The following KLHL1 variants were observed in gnomAD, a reference collection of about 807,000 sequenced individuals.
The protein encoded by KLHL1 is kelch like family member 1.
KLHL1 carries 47 observed loss-of-function variants against 77.7 expected under a neutral mutation model. The ratio of observed to expected loss-of-function variants is 0.60; its 90% CI spans 0.48 to 0.77. The LOEUF is 0.77. Among genes scored for constraint, KLHL1 ranks in the 30% least tolerant of loss-of-function variants. The probability of loss-of-function intolerance (pLI) is 0.00; values close to 1 mark genes in which losing one functional copy is unlikely to be tolerated. For synonymous variants in KLHL1, 360 were observed against 325.2 expected (o/e 1.11, Z -1.15); for missense variants, 925 against 910.8 (o/e 1.02, Z -0.20).
At chr13:69,994,506 G>C (rs2137317321) in intron 1 of KLHL1, among the ~76,000 whole-genome samples, 1 of 152,134 alleles carries the variant, frequency 6.6e-6, no homozygotes, top group African/African-American at 2.4e-5. Context: ...TTCTCTATAG[G>C]CTTACTCCTT....
chr13:70,022,246 C>A (rs2218245), intron 1 of KLHL1, among the ~76,000 whole-genome samples: 34,632 of 150,908 alleles, frequency 0.23, 4,366 homozygotes, highest in African/African-American at 0.35. Context: ...TCCCTCTTTG[C>A]TCTTTTTTCA....
intron 1 of KLHL1, among the ~76,000 whole-genome samples, chr13:70,039,625 G>T (rs1886324432): frequency 6.8e-6 from 1 of 146,674 alleles, no homozygotes; most frequent in African/African-American, 2.5e-5. Flanking sequence ...GCCTGCCTTT[G>T]GATTCCTTGA....
chr13:69,804,186 C>T (rs1192994112), intron 6 of KLHL1, among the ~76,000 whole-genome samples: 4 of 152,014 alleles, frequency 2.6e-5, no homozygotes, highest in Admixed American at 6.6e-5. Context: ...CATGACAAAA[C>T]GAACGGTAGA....
chr13:69,758,852 TTTTA>T (rs1874889037), intron 7 of KLHL1, among the ~76,000 whole-genome samples: 1 of 152,156 alleles, frequency 6.6e-6, no homozygotes, highest in African/African-American at 2.4e-5. Context: ...GTTTCCGTAT[TTTTA>T]TTTACCTAGA....
chr13:69,788,139 G>T (rs1430021515), intron 7 of KLHL1, among the ~76,000 whole-genome samples: 7 of 152,214 alleles, frequency 4.6e-5, no homozygotes, highest in African/African-American at 1.7e-4. Flanking sequence ...AATACCATTT[G>T]ACCCAGCCAT....
chr13:70,072,925 C>A (rs1887171620), intron 1 of KLHL1, among the ~76,000 whole-genome samples: 1 of 152,040 alleles, frequency 6.6e-6, no homozygotes, highest in African/African-American at 2.4e-5. Flanking sequence ...CATTCCTATG[C>A]AACATCAAAC....
chr13:69,916,343 A>G (rs1370756914), intron 4 of KLHL1, among the ~76,000 whole-genome samples: 3 of 152,084 alleles, frequency 2.0e-5, no homozygotes, highest in Non-Finnish European at 4.4e-5. Context: ...ACCAACCCAA[A>G]TGTCCAACAA....
chr13:69,725,962 C>T (rs1396116482), intron 8 of KLHL1, among the ~76,000 whole-genome samples: 1 of 152,080 alleles, frequency 6.6e-6, no homozygotes, highest in Non-Finnish European at 1.5e-5. Flanking sequence ...AGGGTTATGT[C>T]TACTCATCTC....
chr13:69,867,702 A>G (rs1001140351), intron 5 of KLHL1, among the ~76,000 whole-genome samples: 2 of 151,930 alleles, frequency 1.3e-5, no homozygotes, highest in Admixed American at 1.3e-4. Context: ...AGTATATTAA[A>G]ATATTTTAAA....
intron 7 of KLHL1, among the ~76,000 whole-genome samples, chr13:69,796,514 G>T (rs905259735): frequency 6.6e-6 from 1 of 152,004 alleles, no homozygotes; most frequent in African/African-American, 2.4e-5. Flanking sequence ...GCCTCCCTTT[G>T]CCTTCTGTCA....
In KLHL1 at chr13:69,707,617, A is replaced by C. The variant is rs118148908; in HGVS notation, c.2187+8T>G. On this transcript the variant is annotated splice_region_variant and intron_variant, in intron 10 of 10. Coordinates refer to ENST00000377844, the MANE Select transcript of KLHL1 (RefSeq NM_020866.3). ...CCTTGAAGTGAATTATGCTGATGAC[A>C]ATCTTACCTGTGTCCACTCATTAGT... is the stretch of plus-strand genomic sequence containing the variant. The C allele has an allele frequency of 5.9e-3, 9,457 of 1,608,004 alleles. 38 individuals are homozygous for C. The highest frequency in any genetic ancestry group is 6.3e-3 in the Non-Finnish European group (7,449 of 1,176,170).
At chr13:69,751,296 C>G (rs1008024840) in intron 7 of KLHL1, among the ~76,000 whole-genome samples, 1 of 151,894 alleles carries the variant, frequency 6.6e-6, no homozygotes, top group Admixed American at 6.6e-5. Context: ...TCCATATTTC[C>G]AATACTTATG....
At chr13:69,755,381 G>A (rs1307519958) in intron 7 of KLHL1, among the ~76,000 whole-genome samples, 1 of 151,938 alleles carries the variant, frequency 6.6e-6, no homozygotes, top group Admixed American at 6.6e-5. Context: ...ACAGCCTGCA[G>A]AACCATGAGC....
chr13:70,093,138 T>C (rs1412228176), intron 1 of KLHL1, among the ~76,000 whole-genome samples: 1 of 152,192 alleles, frequency 6.6e-6, no homozygotes, highest in Admixed American at 6.6e-5. Flanking sequence ...TATGTAATTA[T>C]GTGATTGTCT....
At chr13:70,015,213 A>G (rs1053286961) in intron 1 of KLHL1, among the ~76,000 whole-genome samples, 1 of 152,158 alleles carries the variant, frequency 6.6e-6, no homozygotes, top group African/African-American at 2.4e-5. Flanking sequence ...GGACTTATGC[A>G]AACCTATTGT....
intron 7 of KLHL1, among the ~76,000 whole-genome samples, chr13:69,781,260 T>C (rs894098536): frequency 6.6e-6 from 1 of 151,324 alleles, no homozygotes; most frequent in African/African-American, 2.4e-5. Context: ...AGAATATGCT[T>C]CTTGAGAGAC....
At chr13:70,025,572 A>G (rs1289196511) in intron 1 of KLHL1, among the ~76,000 whole-genome samples, 1 of 151,910 alleles carries the variant, frequency 6.6e-6, no homozygotes, top group Non-Finnish European at 1.5e-5. Context: ...AAGTATTTGT[A>G]TTAAACTCCT....
At chr13:69,924,691 G>C (rs921406148) in intron 4 of KLHL1, among the ~76,000 whole-genome samples, 1 of 152,140 alleles carries the variant, frequency 6.6e-6, no homozygotes, top group South Asian at 2.1e-4. Flanking sequence ...GCTGAAACAC[G>C]CCCCTTGCTC....
chr13:69,993,360 T>C (rs1455895244), intron 1 of KLHL1, among the ~76,000 whole-genome samples: 4 of 152,030 alleles, frequency 2.6e-5, no homozygotes, highest in Non-Finnish European at 5.9e-5. Flanking sequence ...TAACTCCAAA[T>C]GAAGGAGCTT....
Sources: gnomAD v4.1 joint callset for allele counts (sites outside exome capture counted in the v4.1 genomes callset) on GRCh38, gnomAD v4.1.1 for gene constraint, MANE v1.5 for transcripts, NCBI Gene and HGNC (gene_info 2026-07-23, HGNC 2026-07-21) for gene names.